CAPRIN1: variants seen among roughly 807,000 people sequenced by gnomAD.
The protein encoded by CAPRIN1 is cell cycle associated protein 1, also known as caprin-1.
A neutral mutation model predicts 100.9 loss-of-function variants in CAPRIN1; 29 were observed. The observed-to-expected ratio is 0.29, with a 90% CI of 0.21 to 0.39. The LOEUF (loss-of-function observed/expected upper bound fraction) is 0.39, where lower values mean the gene tolerates loss of function less well. Among genes scored for constraint, CAPRIN1 ranks in the 10% least tolerant of loss-of-function variants. CAPRIN1 has a pLI of 1.00. For missense variants in CAPRIN1, 795 were observed against 876.7 expected (o/e 0.91, Z 1.18); for synonymous variants, 338 against 307.5 (o/e 1.10, Z -1.04).
intron 18 of CAPRIN1, chr11:34,098,454 C>T (rs1489180433): frequency 1.0e-6 from 1 of 984,642 alleles, no homozygotes. Context: ...TTAGAGCTAG[C>T]ATTTCATGTA....
At chr11:34,053,206 G>T in intron 2 of CAPRIN1, 7 of 971,660 alleles carry the variant, frequency 7.2e-6, no homozygotes, top group Non-Finnish European at 8.6e-6. Flanking sequence ...CTTTCCGGCA[G>T]GCCCATTTTG....
intron 9 of CAPRIN1, among the ~76,000 whole-genome samples, chr11:34,085,813 A>C (rs1851129267): frequency 1.3e-5 from 2 of 152,332 alleles, no homozygotes; most frequent in African/African-American, 4.8e-5. Flanking sequence ...CGAAAGAAAA[A>C]AAAATAAATA....
chr11:34,075,368 TTCC>T (rs1231433855), intron 4 of CAPRIN1, among the ~76,000 whole-genome samples: 1 of 152,182 alleles, frequency 6.6e-6, no homozygotes, highest in Non-Finnish European at 1.5e-5. Context: ...AAGACTAGCC[TTCC>T]TCTATTCCCA....
At chr11:34,081,963 C>T (rs1044233917) in intron 7 of CAPRIN1, among the ~76,000 whole-genome samples, 1 of 151,656 alleles carries the variant, frequency 6.6e-6, no homozygotes, top group Non-Finnish European at 1.5e-5. Context: ...AGGCACACAC[C>T]ACCATGTCTG....
At chr11:34,075,919 T>C (rs986970992) in intron 4 of CAPRIN1, among the ~76,000 whole-genome samples, 2 of 152,238 alleles carry the variant, frequency 1.3e-5, no homozygotes, top group African/African-American at 2.4e-5. Flanking sequence ...TCAATCGTAT[T>C]TCATATAAAT....
intron 14 of CAPRIN1, 136 bp downstream of exon 14, chr11:34,090,814 A>G: frequency 2.8e-6 from 2 of 708,326 alleles, no homozygotes; most frequent in Non-Finnish European, 4.6e-6. Flanking sequence ...ATTTAATTGA[A>G]CATAAACTGA....
At chr11:34,090,743 T>G (rs1851247847) in intron 14 of CAPRIN1, 65 bp downstream of exon 14, 2 of 1,461,838 alleles carry the variant, frequency 1.4e-6, no homozygotes, top group African/African-American at 1.4e-5. Context: ...TTTTCTTTTC[T>G]TTTTTAAAGG....
intron 15 of CAPRIN1, among the ~76,000 whole-genome samples, chr11:34,094,729 C>A (rs539153098): frequency 6.6e-6 from 1 of 152,166 alleles, no homozygotes; most frequent in Non-Finnish European, 1.5e-5. Flanking sequence ...CCCAGGAGTT[C>A]AAGGTTGCAG....
chr11:34,057,017 A>G (rs1490843239), intron 2 of CAPRIN1, among the ~76,000 whole-genome samples: 1 of 152,188 alleles, frequency 6.6e-6, no homozygotes, highest in Non-Finnish European at 1.5e-5. Context: ...TCTTTCTAGA[A>G]CGTTGCAGTG....
At chr11:34,064,781 A>G (rs1353775587) in intron 2 of CAPRIN1, among the ~76,000 whole-genome samples, 2 of 152,084 alleles carry the variant, frequency 1.3e-5, no homozygotes, top group African/African-American at 4.8e-5. Flanking sequence ...AAAGGTGGTA[A>G]CCCCTAAGTG....
chr11:34,062,624 C>CAAAAAAAAAAAAAAAAAAAAAAAACAAAA (rs36059851), intron 2 of CAPRIN1, among the ~76,000 whole-genome samples: 1 of 100,602 alleles, frequency 9.9e-6, no homozygotes. Flanking sequence ...AACTCCGTCT[C>CAAAAAAAAAAAAAAAAAAAAAAAACAAAA]AAAAAAAAAA....
chr11:34,087,892 G>A (rs1302088161), intron 11 of CAPRIN1, among the ~76,000 whole-genome samples: 2 of 152,182 alleles, frequency 1.3e-5, no homozygotes, highest in Non-Finnish European at 2.9e-5. Context: ...AAAGATCGTC[G>A]TTTTGATTAT....
At chr11:34,092,252 G>A (rs1022341949) in intron 15 of CAPRIN1, among the ~76,000 whole-genome samples, 196 bp downstream of exon 15, 1 of 152,020 alleles carries the variant, frequency 6.6e-6, no homozygotes, top group African/African-American at 2.4e-5. Context: ...AATTTTTGGA[G>A]GCTTTATAGC....
chr11:34,089,991 AAT>A, intron 12 of CAPRIN1, 186 bp from the exon 13 acceptor site: 1 of 370,896 alleles, frequency 2.7e-6, no homozygotes, highest in Non-Finnish European at 4.9e-6. Context: ...GAGCTTCAAA[AAT>A]ATATATATTT....
Position 34,052,522 on chromosome 11 carries a change from C to A in CAPRIN1, c.102C>A (p.Ala34=), listed in dbSNP as rs1263313076. Residue 34 remains alanine (A), a synonymous_variant, in exon 2 of 19, where the codon GCC becomes GCA. Coordinates refer to ENST00000341394, the MANE Select transcript of CAPRIN1 (RefSeq NM_005898.5). ...SGSEAAAGAG[A]AAPASQHPAT... ...GTGAGGCGGCCGCGGGAGCCGGGGC[C>A]GCCGCGCCGGCTTCTCAGCACCCCG... 1 of 1,604,416 alleles carries A rather than the reference C, an allele frequency of 6.2e-7. No homozygotes were observed. Among genetic ancestry groups the A allele is most frequent in the Non-Finnish European group, 8.5e-7 (1 of 1,176,218 alleles).
chr11:34,079,044 T>C (rs1850959972), intron 6 of CAPRIN1, among the ~76,000 whole-genome samples: 1 of 152,194 alleles, frequency 6.6e-6, no homozygotes, highest in Non-Finnish European at 1.5e-5. Flanking sequence ...TAGTAGGTGC[T>C]GAATAAATAC....
At chr11:34,062,344 G>A (rs1462560336) in intron 2 of CAPRIN1, among the ~76,000 whole-genome samples, 2 of 152,198 alleles carry the variant, frequency 1.3e-5, no homozygotes, top group African/African-American at 4.8e-5. Context: ...GTAAAGATTG[G>A]ACCGGGCGCG....
At chr11:34,093,795 T>A (rs1237735338) in intron 15 of CAPRIN1, among the ~76,000 whole-genome samples, 2 of 134,380 alleles carry the variant, frequency 1.5e-5, no homozygotes, top group Admixed American at 1.4e-4. Context: ...GGCTAATTTT[T>A]TTTTTTTTTG....
At chr11:34,098,960 C>A in intron 18 of CAPRIN1, 1 of 1,126,304 alleles carries the variant, frequency 8.9e-7, no homozygotes, top group Non-Finnish European at 1.1e-6. Context: ...TCCATGAGAG[C>A]AGGTACCTTG....
Sources: allele counts gnomAD v4.1 joint callset (sites outside exome capture counted in the v4.1 genomes callset), GRCh38; gene constraint gnomAD v4.1.1; transcripts MANE v1.5; gene names NCBI Gene and HGNC (gene_info 2026-07-23, HGNC 2026-07-21).